IKBKE: variants seen among roughly 807,000 people sequenced by gnomAD.
The protein encoded by IKBKE is inhibitor of nuclear factor kappa B kinase subunit epsilon, also known as inhibitor of nuclear factor kappa-B kinase subunit epsilon.
A neutral mutation model predicts 92.1 loss-of-function variants in IKBKE; 45 were observed. That is an observed-to-expected ratio of 0.49 (90% CI 0.38 to 0.63). IKBKE has a LOEUF of 0.63. Ranked by LOEUF, IKBKE falls within the 20% of genes least tolerant of loss-of-function variation. The pLI is 0.00. For missense variants in IKBKE, 700 were observed against 932.8 expected (o/e 0.75, Z 3.25); for synonymous variants, 374 against 380.3 (o/e 0.98, Z 0.19).
intron 12 of IKBKE, 68 bp from the exon 13 acceptor site, chr1:206,480,379 T>A: frequency 1.5e-6 from 2 of 1,306,862 alleles, no homozygotes; most frequent in Non-Finnish European, 2.2e-6. Context: ...TATCCTGGGA[T>A]GCTGTCTGCA....
intron 4 of IKBKE, 184 bp from the exon 5 acceptor site, chr1:206,474,681 C>T: frequency 1.2e-6 from 1 of 813,284 alleles, no homozygotes; most frequent in Non-Finnish European, 1.9e-6. Flanking sequence ...AAGCAGAGGG[C>T]TTCCTGGAAT....
intron 19 of IKBKE, 39 bp downstream of exon 19, chr1:206,493,158 C>A: frequency 6.4e-7 from 1 of 1,562,440 alleles, no homozygotes; most frequent in South Asian, 1.2e-5. Context: ...TCTGGGGATG[C>A]AGGCTGGGGC....
intron 2 of IKBKE, among the ~76,000 whole-genome samples, chr1:206,471,763 A>G (rs558112986): frequency 6.6e-6 from 1 of 152,346 alleles, no homozygotes; most frequent in East Asian, 1.9e-4. Context: ...GGAGTTGACC[A>G]CCGATCTCTT....
chr1:206,478,876 C>G lies in IKBKE; in HGVS notation c.993-67C>G. Reference sequence around the variant, plus strand: ...GGCAACGCTTAGCTGGGGCTTAGGTCACCCTAGCCCCCTGCCTTGCCTACT... The same window carrying G: ...GGCAACGCTTAGCTGGGGCTTAGGTGACCCTAGCCCCCTGCCTTGCCTACT... On this transcript the variant is annotated intron_variant, in intron 9 of 21. Coordinates refer to ENST00000581977, the MANE Select transcript of IKBKE (RefSeq NM_014002.4). This position sits in a 1 kb window ranked among gnomAD's most constrained non-coding sequence, Gnocchi z 4.8. 1 of 1,221,510 alleles carries G rather than the reference C, an allele frequency of 8.2e-7. No individual in the cohort carries two copies. The highest frequency in any genetic ancestry group is 1.2e-6 in the Non-Finnish European group (1 of 823,866). 75.7% of individuals were successfully genotyped at this position (1,221,510 alleles called of 1,614,324 possible). A position where few individuals can be genotyped will look rare whatever the true frequency, so the allele number is the denominator to read the frequency against.
rs1553388218 is a variant in IKBKE at position 206,485,036 on chromosome 1, G to A, written c.1467G>A (p.Leu489=). 1 of 1,614,158 alleles carries A rather than the reference G, an allele frequency of 6.2e-7. No individual in the cohort carries two copies. Among genetic ancestry groups the A allele is most frequent in the Admixed American group, 1.7e-5 (1 of 60,024 alleles). ...CTGGAACGCCTGAGATCCAGGAACTGAAGGCGGCTGCAGAACTGAGGTCCA... is the reference window on the plus strand; with the variant it reads ...CTGGAACGCCTGAGATCCAGGAACTAAAGGCGGCTGCAGAACTGAGGTCCA... The part of the protein sequence containing the change: ...SVAGTPEIQE[L]KAAAELRSRL... Residue 489 remains leucine (L), a synonymous_variant, in exon 14 of 22, where the codon CTG becomes CTA. Coordinates refer to ENST00000581977, the MANE Select transcript of IKBKE (RefSeq NM_014002.4). The surrounding 1 kb of genome is among the most constrained non-coding windows in gnomAD (Gnocchi z 5.0).
chr1:206,489,403 A>G (rs1402809962), intron 16 of IKBKE, among the ~76,000 whole-genome samples: 1 of 143,660 alleles, frequency 7.0e-6, no homozygotes, highest in African/African-American at 2.6e-5. Context: ...ATATATATAC[A>G]CACACACACA....
chr1:206,492,576 A>G (rs919784605), intron 18 of IKBKE: 7 of 472,068 alleles, frequency 1.5e-5, no homozygotes, highest in African/African-American at 1.2e-4. Flanking sequence ...CCAACCCCTG[A>G]TTTAACAGCT....
chr1:206,483,595 C>T lies in IKBKE; in HGVS notation c.1428-1402C>T, dbSNP rs797035871. Among the ~76,000 whole-genome samples the T allele has an allele frequency of 1.8e-4, 27 of 152,198 alleles. 1 individual carries two copies. Among genetic ancestry groups the T allele is most frequent in the African/African-American group, 6.3e-4 (26 of 41,448 alleles). ...TCCTCCATTCCCAAGCCAAAATACA[C>T]AGCATACTTTTTAAAAATCATGATT... On this transcript the variant is annotated intron_variant, in intron 13 of 21. Transcript: ENST00000581977.
At chr1:206,477,652 G>T in intron 7 of IKBKE, 97 bp from the exon 8 acceptor site, 1 of 698,226 alleles carries the variant, frequency 1.4e-6, no homozygotes, top group South Asian at 1.9e-5. Flanking sequence ...GTAGCTGGGT[G>T]ACTTGAACCT....
At chr1:206,483,886 T>C (rs1322651979) in intron 13 of IKBKE, among the ~76,000 whole-genome samples, 2 of 152,146 alleles carry the variant, frequency 1.3e-5, no homozygotes, top group Non-Finnish European at 2.9e-5. Context: ...GTTGTTTGTC[T>C]TGTCCTTCTT....
chr1:206,493,315 C>A lies in IKBKE; in HGVS notation c.1982C>A (p.Ala661Asp), dbSNP rs1553391176. ...CTCCTTCAGGACCGAGCAAAGGGGG[C>A]TCAGGCCTCGCCGCCTCCCATAGCT... The part of the protein sequence containing the change: ...HQLLQDRAKG[A>D]QASPPPIAPY... Residue 661 changes from alanine to aspartate, a missense_variant, in exon 20 of 22, where the codon GCT becomes GAT. By Grantham distance (126) the Ala-to-Asp change is moderately radical. Coordinates refer to ENST00000581977, the MANE Select transcript of IKBKE (RefSeq NM_014002.4). 1 of 1,614,088 alleles carries A rather than the reference C, an allele frequency of 6.2e-7. No homozygotes were observed. The highest frequency in any genetic ancestry group is 1.7e-5 in the Admixed American group (1 of 60,026).
Position 206,478,830 on chromosome 1 carries a change from C to A in IKBKE, c.993-113C>A. The A allele has an allele frequency of 1.2e-6, 1 of 842,582 alleles. No individual in the cohort carries two copies. Among genetic ancestry groups the A allele is most frequent in the Admixed American group, 1.8e-5 (1 of 55,348 alleles). The allele number at this position is 842,582 out of a possible 1,614,324, so 52.2% of individuals were successfully genotyped here. On this transcript the variant is annotated intron_variant, in intron 9 of 21. Transcript: ENST00000581977. The surrounding 1 kb of genome is among the most constrained non-coding windows in gnomAD (Gnocchi z 4.8). ...AAAACCACCCCCGTCCCTCCCTCTG[C>A]AAAACAGAGCCCTGTCTATGGGCAA...
intron 17 of IKBKE, 109 bp from the exon 18 acceptor site, chr1:206,491,539 G>C: frequency 2.7e-6 from 2 of 741,020 alleles, no homozygotes. Context: ...CGCAGGGCTT[G>C]GGCACTTACG....
rs1665869275 is a variant in IKBKE, at chr1:206,490,077, G to A, written c.1694-742G>A. Among the ~76,000 whole-genome samples the A allele has an allele frequency of 6.6e-6, 1 of 152,202 alleles. No homozygotes were observed. The highest frequency in any genetic ancestry group is 1.5e-5 in the Non-Finnish European group (1 of 68,030). On this transcript the variant is annotated intron_variant, in intron 16 of 21. Transcript: ENST00000581977. This position sits in a 1 kb window ranked among gnomAD's most constrained non-coding sequence, Gnocchi z 5.2. ...TAGTGCCGCCTGCCAACAGGAGGAAGGGCTGAGGTTTGTCCCAGGTCTCTC... is the reference window on the plus strand; with the variant it reads ...TAGTGCCGCCTGCCAACAGGAGGAAAGGCTGAGGTTTGTCCCAGGTCTCTC...
At chr1:206,475,025 T>A (rs782402615) in intron 5 of IKBKE, 31 bp downstream of exon 5, 1 of 1,611,918 alleles carries the variant, frequency 6.2e-7, no homozygotes, top group Admixed American at 1.7e-5. Context: ...GCCTCCACCC[T>A]CAGACCAGCG....
intron 4 of IKBKE, 108 bp from the exon 5 acceptor site, chr1:206,474,757 C>A (rs781882630): frequency 3.1e-4 from 422 of 1,361,976 alleles, no homozygotes; most frequent in Non-Finnish European, 3.9e-4. Flanking sequence ...AGGCCAGAAG[C>A]TGGGACCTGG....
At chr1:206,477,968 C>T (rs1330156931) in intron 8 of IKBKE, 109 bp downstream of exon 8, 7 of 896,506 alleles carry the variant, frequency 7.8e-6, no homozygotes, top group Admixed American at 2.4e-5. Flanking sequence ...GGGCATGCTG[C>T]AGGCTTGGGC....
intron 10 of IKBKE, among the ~76,000 whole-genome samples, 169 bp from the exon 11 acceptor site, chr1:206,479,701 T>A (rs1446153909): frequency 6.6e-6 from 1 of 152,136 alleles, no homozygotes; most frequent in African/African-American, 2.4e-5. Context: ...CAGTGAGGGA[T>A]CACAACTTTA....
At chr1:206,480,593 C>A in intron 13 of IKBKE, 60 bp downstream of exon 13, 1 of 1,221,212 alleles carries the variant, frequency 8.2e-7, no homozygotes, top group Non-Finnish European at 1.2e-6. Flanking sequence ...GCTCCTCACC[C>A]TAGATACTTC....
Sources: allele counts gnomAD v4.1 joint callset (sites outside exome capture counted in the v4.1 genomes callset), GRCh38; gene constraint gnomAD v4.1.1; non-coding constraint Gnocchi (gnomAD v3.1); transcripts MANE v1.5; gene names NCBI Gene and HGNC (gene_info 2026-07-23, HGNC 2026-07-21).